Variants in CCSER1 observed in about 807,000 individuals in gnomAD.
CCSER1 encodes serine-rich coiled-coil domain-containing protein 1.
In CCSER1, 41 loss-of-function variants were observed where a neutral mutation model predicts 82.0. That is an observed-to-expected ratio of 0.50 (90% CI 0.39 to 0.65). CCSER1 has a LOEUF of 0.65. Ranked by LOEUF, CCSER1 falls within the 30% of genes least tolerant of loss-of-function variation. The probability of loss-of-function intolerance (pLI) is 0.00; values close to 1 mark genes in which losing one functional copy is unlikely to be tolerated. For missense variants in CCSER1, 1,119 were observed against 1,064.2 expected, an observed-to-expected ratio of 1.05 and a Z score of -0.72; for synonymous variants, 414 against 383.9, an observed-to-expected ratio of 1.08 and a Z score of -0.92.
chr4:91,591,425 A>G (rs1291262995), intron 10 of CCSER1, among the ~76,000 whole-genome samples: 1 of 152,046 alleles, frequency 6.6e-6, no homozygotes, highest in East Asian at 1.9e-4. Flanking sequence ...TATGTATTAT[A>G]GAGTGTATTC....
At chr4:91,222,323 C>G (rs968635828) in intron 10 of CCSER1, among the ~76,000 whole-genome samples, 1 of 151,826 alleles carries the variant, frequency 6.6e-6, no homozygotes, top group Non-Finnish European at 1.5e-5. Context: ...CCCTTGAGTT[C>G]TGTAAAACCT....
intron 5 of CCSER1, among the ~76,000 whole-genome samples, chr4:90,616,743 A>C (rs932124387): frequency 2.4e-3 from 196 of 82,410 alleles, no homozygotes; most frequent in African/African-American, 9.1e-3. Context: ...ACACACAAAT[A>C]AAATAAAATA....
chr4:91,333,981 A>G (rs573344875), intron 10 of CCSER1, among the ~76,000 whole-genome samples: 226 of 152,194 alleles, frequency 1.5e-3, no homozygotes, highest in Non-Finnish European at 2.4e-3. Flanking sequence ...AGAAGTTATT[A>G]ATGTGTTTTG....
chr4:90,485,507 A>G (rs1262344728), intron 5 of CCSER1, among the ~76,000 whole-genome samples: 1 of 145,854 alleles, frequency 6.9e-6, no homozygotes, highest in African/African-American at 2.6e-5. Flanking sequence ...CTATTCGGCC[A>G]TCTTGGCTCC....
At chr4:91,458,265 T>G (rs1479464276) in intron 10 of CCSER1, among the ~76,000 whole-genome samples, 4 of 152,154 alleles carry the variant, frequency 2.6e-5, no homozygotes, top group Non-Finnish European at 5.9e-5. Flanking sequence ...TTCCCCAATG[T>G]CCTTTCCCCC....
chr4:90,301,683 T>A (rs913815479), intron 1 of CCSER1, among the ~76,000 whole-genome samples: 8 of 152,172 alleles, frequency 5.3e-5, no homozygotes, highest in Non-Finnish European at 1.0e-4. Flanking sequence ...TTCATATTTT[T>A]AAGACCTATT....
At chr4:91,211,612 C>G (rs1208932513) in intron 10 of CCSER1, among the ~76,000 whole-genome samples, 1 of 152,048 alleles carries the variant, frequency 6.6e-6, no homozygotes, top group Non-Finnish European at 1.5e-5. Flanking sequence ...TGGGAAGCAA[C>G]ATAGCATAGT....
At chr4:90,335,551 C>T (rs1426880277) in intron 3 of CCSER1, among the ~76,000 whole-genome samples, 1 of 152,106 alleles carries the variant, frequency 6.6e-6, no homozygotes, top group Non-Finnish European at 1.5e-5. Flanking sequence ...CATGATTAAG[C>T]CTTATATAAC....
chr4:90,730,723 A>G (rs1370743423), intron 7 of CCSER1, among the ~76,000 whole-genome samples: 3 of 152,216 alleles, frequency 2.0e-5, no homozygotes, highest in Non-Finnish European at 4.4e-5. Context: ...AGTAGAGACC[A>G]TAATGAAGAA....
chr4:90,400,312 G>C (rs1382458571), intron 4 of CCSER1, among the ~76,000 whole-genome samples, 183 bp downstream of exon 4: 1 of 151,860 alleles, frequency 6.6e-6, no homozygotes, highest in Non-Finnish European at 1.5e-5. Context: ...TGATTTTAAA[G>C]CCTTTTATGG....
chr4:91,446,862 A>C (rs1012402600), intron 10 of CCSER1, among the ~76,000 whole-genome samples: 1 of 151,936 alleles, frequency 6.6e-6, no homozygotes, highest in Non-Finnish European at 1.5e-5. Flanking sequence ...ATTTATTATA[A>C]AACATATTTG....
At chr4:90,650,185 C>G (rs1228900524) in intron 6 of CCSER1, among the ~76,000 whole-genome samples, 1 of 151,938 alleles carries the variant, frequency 6.6e-6, no homozygotes, top group Admixed American at 6.6e-5. Context: ...CCACTGCACT[C>G]CAGCCTGGGC....
intron 6 of CCSER1, among the ~76,000 whole-genome samples, chr4:90,709,070 G>GAAAT (rs1739980180): frequency 6.6e-6 from 1 of 151,946 alleles, no homozygotes; most frequent in South Asian, 2.1e-4. Context: ...AGAAAAAATG[G>GAAAT]AAATACAAAA....
intron 1 of CCSER1, among the ~76,000 whole-genome samples, chr4:90,184,350 G>A (rs1734229538): frequency 6.6e-6 from 1 of 152,136 alleles, no homozygotes. Flanking sequence ...GCACCAAAGA[G>A]TAAGTTTCTA....
intron 10 of CCSER1, among the ~76,000 whole-genome samples, chr4:91,325,836 A>T (rs926199275): frequency 2.0e-5 from 3 of 152,220 alleles, no homozygotes; most frequent in Non-Finnish European, 4.4e-5. Context: ...TTAAATATTT[A>T]TAACTTACAC....
At chr4:90,237,574 A>G (rs1385198831) in intron 1 of CCSER1, among the ~76,000 whole-genome samples, 1 of 152,184 alleles carries the variant, frequency 6.6e-6, no homozygotes, top group Non-Finnish European at 1.5e-5. Context: ...ATACATCCTT[A>G]GAAAATTAAA....
intron 8 of CCSER1, among the ~76,000 whole-genome samples, chr4:90,863,493 T>A (rs1246366442): frequency 1.3e-5 from 2 of 151,952 alleles, no homozygotes; most frequent in Non-Finnish European, 2.9e-5. Flanking sequence ...CATATATGTT[T>A]CTATTATACA....
At chr4:90,810,585 C>T (rs1017554035) in intron 7 of CCSER1, among the ~76,000 whole-genome samples, 7 of 151,556 alleles carry the variant, frequency 4.6e-5, no homozygotes, top group African/African-American at 1.2e-4. Flanking sequence ...GCAGATGTTG[C>T]GGTGAGCCGA....
At chr4:90,764,344 T>G (rs1018494651) in intron 7 of CCSER1, among the ~76,000 whole-genome samples, 3 of 152,232 alleles carry the variant, frequency 2.0e-5, no homozygotes, top group Non-Finnish European at 4.4e-5. Flanking sequence ...TAAGTAGAAC[T>G]ATAATCCATG....
Sources: allele counts gnomAD v4.1 joint callset (sites outside exome capture counted in the v4.1 genomes callset), GRCh38; gene constraint gnomAD v4.1.1; transcripts MANE v1.5; gene names NCBI Gene and HGNC (gene_info 2026-07-23, HGNC 2026-07-21).